The following CAB39 variants were observed in gnomAD, a reference collection of about 807,000 sequenced individuals.
CAB39 encodes calcium binding protein 39.
In CAB39, 8 loss-of-function variants were observed where a neutral mutation model predicts 40.0. That is an observed-to-expected ratio of 0.20 (90% confidence interval 0.12 to 0.36). The LOEUF is 0.36. Ranked by LOEUF, CAB39 falls within the 10% of genes least tolerant of loss-of-function variation. CAB39 has a pLI of 1.00. For synonymous variants in CAB39, 156 were observed against 141.6 expected (o/e 1.10, Z -0.72); for missense variants, 270 against 401.1 (o/e 0.67, Z 2.79).
At chr2:230,805,755 A>G (rs531817739) in intron 5 of CAB39, among the ~76,000 whole-genome samples, 26 of 152,380 alleles carry the variant, frequency 1.7e-4, no homozygotes, top group African/African-American at 6.0e-4. Context: ...AAACTGAGCT[A>G]GATGGAGTTT....
rs573803733 is a variant in CAB39, at chr2:230,818,895, A to T, written c.*191A>T. Reference sequence around the variant, plus strand: ...TGCTGCTGCTTGCACACTAGGGCACATGTGGGCTTTCTCTTGATCTTTGTG... The same window carrying T: ...TGCTGCTGCTTGCACACTAGGGCACTTGTGGGCTTTCTCTTGATCTTTGTG... On this transcript the variant is annotated 3_prime_UTR_variant, in exon 9 of 9. Transcript: ENST00000258418. The T allele has an allele frequency of 3.8e-6, 2 of 523,824 alleles. No individual in the cohort carries two copies. The highest frequency in any genetic ancestry group is 2.2e-5 in the South Asian group (1 of 46,032). 32.4% of individuals were successfully genotyped at this position (523,824 alleles called of 1,614,324 possible).
chr2:230,756,716 G>A (rs922782333), intron 1 of CAB39, among the ~76,000 whole-genome samples: 8 of 150,480 alleles, frequency 5.3e-5, no homozygotes, highest in South Asian at 2.1e-4. Flanking sequence ...TTTTTGAGAC[G>A]GAGTTTCGCT....
intron 2 of CAB39, among the ~76,000 whole-genome samples, chr2:230,774,168 A>G (rs947530895): frequency 1.3e-4 from 20 of 152,222 alleles, no homozygotes; most frequent in African/African-American, 3.6e-4. Context: ...TGCCAAATCC[A>G]TGGTAAAATT....
At chr2:230,756,474 T>C (rs952739981) in intron 1 of CAB39, among the ~76,000 whole-genome samples, 6 of 152,212 alleles carry the variant, frequency 3.9e-5, no homozygotes, top group African/African-American at 1.4e-4. Context: ...AGCTTAATGC[T>C]TAGCAAACCT....
chr2:230,731,182 CTAAA>C (rs1409667539), intron 1 of CAB39, among the ~76,000 whole-genome samples: 1 of 152,072 alleles, frequency 6.6e-6, no homozygotes, highest in South Asian at 2.1e-4. Flanking sequence ...CAGATAGTGG[CTAAA>C]TAAAGTAAAT....
Position 230,730,234 on chromosome 2 carries a change from G to A in CAB39, c.-44+17004G>A, listed in dbSNP as rs374776331. Among the ~76,000 whole-genome samples, 15 of 152,142 alleles carry A rather than the reference G, an allele frequency of 9.9e-5. 1 individual carries two copies. Among genetic ancestry groups the A allele is most frequent in the African/African-American group, 2.6e-4 (11 of 41,518 alleles). On this transcript the variant is annotated intron_variant, in intron 1 of 8. Transcript: ENST00000258418. ...AAGTGATCTTTCACCTCAGCCTCTC[G>A]AGTAGCTGGGACTGCAGGTGCACAC...
intron 2 of CAB39, among the ~76,000 whole-genome samples, chr2:230,787,250 G>A (rs1021729185): frequency 6.6e-6 from 1 of 152,206 alleles, no homozygotes; most frequent in Non-Finnish European, 1.5e-5. Context: ...CCTGCTCCAA[G>A]ATTTGTAGTA....
At chr2:230,745,430 C>G (rs572430357) in intron 1 of CAB39, among the ~76,000 whole-genome samples, 2 of 152,246 alleles carry the variant, frequency 1.3e-5, no homozygotes, top group Non-Finnish European at 2.9e-5. Flanking sequence ...GATGATGAGT[C>G]CTCAGAGGAG....
At chr2:230,738,168 C>G (rs1694819104) in intron 1 of CAB39, among the ~76,000 whole-genome samples, 1 of 152,232 alleles carries the variant, frequency 6.6e-6, no homozygotes, top group South Asian at 2.1e-4. Context: ...GCACACAGTG[C>G]CCTGTCTGTA....
At chr2:230,717,887 G>A (rs1694378995) in intron 1 of CAB39, among the ~76,000 whole-genome samples, 1 of 152,206 alleles carries the variant, frequency 6.6e-6, no homozygotes, top group African/African-American at 2.4e-5. Flanking sequence ...AGAGAATTGC[G>A]GGAGGTCATT....
chr2:230,733,367 C>T (rs541386407), intron 1 of CAB39, among the ~76,000 whole-genome samples: 1 of 152,120 alleles, frequency 6.6e-6, no homozygotes, highest in East Asian at 1.9e-4. Flanking sequence ...CGGATGTCCC[C>T]CCACATACCC....
chr2:230,725,042 C>T, intron 1 of CAB39: 1 of 1,400,074 alleles, frequency 7.1e-7, no homozygotes, highest in Non-Finnish European at 1.0e-6. Context: ...GAGGTGAGTA[C>T]AACAATAGCA....
intron 5 of CAB39, among the ~76,000 whole-genome samples, chr2:230,800,028 C>G (rs1696060561): frequency 6.6e-6 from 1 of 151,896 alleles, no homozygotes; most frequent in African/African-American, 2.4e-5. Context: ...CACACACACA[C>G]AGCCCAAAGA....
At chr2:230,724,237 A>T (rs1282041248) in intron 1 of CAB39, among the ~76,000 whole-genome samples, 1 of 141,052 alleles carries the variant, frequency 7.1e-6, no homozygotes, top group African/African-American at 3.1e-5. Context: ...ACAGACCAAG[A>T]CTGTCTCAAA....
intron 5 of CAB39, among the ~76,000 whole-genome samples, chr2:230,803,728 A>G (rs1696135978): frequency 6.6e-6 from 1 of 152,226 alleles, no homozygotes; most frequent in Admixed American, 6.5e-5. Context: ...GAGAACTACA[A>G]ACCACTGCTC....
At chr2:230,743,583 A>G (rs1694921263) in intron 1 of CAB39, among the ~76,000 whole-genome samples, 1 of 152,248 alleles carries the variant, frequency 6.6e-6, no homozygotes, top group African/African-American at 2.4e-5. Flanking sequence ...ATAAGGATGT[A>G]GACCTTAATT....
intron 1 of CAB39, among the ~76,000 whole-genome samples, chr2:230,738,695 C>T (rs536022200): frequency 2.6e-5 from 4 of 152,280 alleles, no homozygotes; most frequent in African/African-American, 7.2e-5. Context: ...AAAAAGAAAC[C>T]TTCCAATCTC....
intron 5 of CAB39, among the ~76,000 whole-genome samples, chr2:230,809,184 G>C (rs540335362): frequency 6.6e-6 from 1 of 152,270 alleles, no homozygotes; most frequent in East Asian, 1.9e-4. Context: ...AGAGCTCCCT[G>C]TGCAGTCTAG....
At chr2:230,804,730 T>A (rs564444288) in intron 5 of CAB39, among the ~76,000 whole-genome samples, 36 of 152,198 alleles carry the variant, frequency 2.4e-4, no homozygotes, top group Admixed American at 2.2e-3. Flanking sequence ...TGGCGATCAT[T>A]AAAAAGTCAG....
Sources: gnomAD v4.1 joint callset for allele counts (sites outside exome capture counted in the v4.1 genomes callset) on GRCh38, gnomAD v4.1.1 for gene constraint, MANE v1.5 for transcripts, NCBI Gene and HGNC (gene_info 2026-07-23, HGNC 2026-07-21) for gene names.